NRXN1: variants seen among roughly 807,000 people sequenced by gnomAD.
NRXN1 encodes neurexin 1.
NRXN1 carries 39 observed loss-of-function variants against 150.9 expected under a neutral mutation model. That is an observed-to-expected ratio of 0.26 (90% confidence interval 0.20 to 0.34). The LOEUF is 0.34. Ranked by LOEUF, NRXN1 falls within the 10% of genes least tolerant of loss-of-function variation. The probability of loss-of-function intolerance (pLI) is 1.00; values close to 1 mark genes in which losing one functional copy is unlikely to be tolerated. For missense variants in NRXN1, 1,815 were observed against 1,949.9 expected, an observed-to-expected ratio of 0.93 and a Z score of 1.30; for synonymous variants, 924 against 757.0, an observed-to-expected ratio of 1.22 and a Z score of -3.62.
At chr2:50,165,967 A>T (rs2059656278) in intron 18 of NRXN1, among the ~76,000 whole-genome samples, 1 of 152,092 alleles carries the variant, frequency 6.6e-6, no homozygotes, top group Non-Finnish European at 1.5e-5. Flanking sequence ...ATTTGCAATG[A>T]CCCTTATCTT....
chr2:51,030,555 C>CAT (rs1671347797), intron 1 of NRXN1, among the ~76,000 whole-genome samples: 1 of 151,716 alleles, frequency 6.6e-6, no homozygotes, highest in African/African-American at 2.4e-5. Context: ...CACACACACA[C>CAT]ACACACACAC....
intron 19 of NRXN1, among the ~76,000 whole-genome samples, chr2:50,086,874 T>A (rs1698863062): frequency 1.3e-5 from 2 of 151,306 alleles, no homozygotes; most frequent in Non-Finnish European, 2.9e-5. Context: ...CGGGCATGTC[T>A]CTCCTTCTAT....
chr2:50,928,189 GGTCT>G (rs1346086875), intron 2 of NRXN1, among the ~76,000 whole-genome samples: 2 of 151,664 alleles, frequency 1.3e-5, no homozygotes, highest in Non-Finnish European at 2.9e-5. Flanking sequence ...CCAGAAAAGT[GGTCT>G]GTCTCAGAAA....
At chr2:50,463,302 C>T (rs1229089390) in intron 17 of NRXN1, among the ~76,000 whole-genome samples, 1 of 151,812 alleles carries the variant, frequency 6.6e-6, no homozygotes, top group Non-Finnish European at 1.5e-5. Flanking sequence ...ATATCTTCTA[C>T]CAATTATAAT....
intron 17 of NRXN1, among the ~76,000 whole-genome samples, chr2:50,267,723 T>A (rs1037358752): frequency 6.6e-6 from 1 of 152,176 alleles, no homozygotes; most frequent in African/African-American, 2.4e-5. Flanking sequence ...AAGACCCCTA[T>A]TGAGGGTAAG....
chr2:50,025,312 C>T (rs987792478), intron 21 of NRXN1, among the ~76,000 whole-genome samples: 1 of 152,096 alleles, frequency 6.6e-6, no homozygotes, highest in African/African-American at 2.4e-5. Context: ...GATTTGTAAA[C>T]AAGATTTGGG....
intron 22 of NRXN1, among the ~76,000 whole-genome samples, chr2:49,937,018 A>G (rs1671158631): frequency 6.6e-6 from 1 of 152,158 alleles, no homozygotes; most frequent in Non-Finnish European, 1.5e-5. Context: ...TGTAATTTCA[A>G]ATACTTTATC....
chr2:50,918,352 T>C (rs980391023), intron 5 of NRXN1: 2 of 269,432 alleles, frequency 7.4e-6, no homozygotes, highest in East Asian at 5.7e-5. Flanking sequence ...AAAAATGTTC[T>C]GGAAATACAA....
chr2:50,566,296 T>C (rs1278306074), intron 8 of NRXN1, among the ~76,000 whole-genome samples: 1 of 151,952 alleles, frequency 6.6e-6, no homozygotes, highest in Non-Finnish European at 1.5e-5. Context: ...CAGGCTGGAG[T>C]ACAGTGGCAT....
At chr2:50,290,139 A>T (rs2152942361) in intron 17 of NRXN1, among the ~76,000 whole-genome samples, 1 of 152,310 alleles carries the variant, frequency 6.6e-6, no homozygotes, top group African/African-American at 2.4e-5. Flanking sequence ...CTGAAAGTTC[A>T]CATTTAAAAC....
At chr2:50,524,304 C>T (rs1386568263) in intron 12 of NRXN1, among the ~76,000 whole-genome samples, 1 of 151,948 alleles carries the variant, frequency 6.6e-6, no homozygotes, top group Admixed American at 6.6e-5. Flanking sequence ...CATGGCAAAA[C>T]CCCATCTCTA....
chr2:49,997,872 C>A (rs565077459), intron 21 of NRXN1, among the ~76,000 whole-genome samples: 1 of 151,944 alleles, frequency 6.6e-6, no homozygotes, highest in Non-Finnish European at 1.5e-5. Context: ...GGAGACTTCA[C>A]ATAGGGAAAG....
At chr2:51,020,912 A>G (rs1669503066) in intron 2 of NRXN1, among the ~76,000 whole-genome samples, 1 of 152,022 alleles carries the variant, frequency 6.6e-6, no homozygotes, top group Non-Finnish European at 1.5e-5. Flanking sequence ...CATGCTCAGG[A>G]GAAAAAACAA....
At chr2:51,030,345 T>C (rs1449276723) in intron 1 of NRXN1, among the ~76,000 whole-genome samples, 1 of 151,728 alleles carries the variant, frequency 6.6e-6, no homozygotes, top group East Asian at 1.9e-4. Flanking sequence ...ACACTTTTTT[T>C]CCCTTACAAG....
At chr2:50,260,931 G>A (rs915626792) in intron 17 of NRXN1, among the ~76,000 whole-genome samples, 3 of 151,520 alleles carry the variant, frequency 2.0e-5, no homozygotes, top group South Asian at 4.2e-4. Flanking sequence ...AGGTTAAATT[G>A]GGGGCTGAAG....
At chr2:50,259,401 G>A (rs750589785) in intron 17 of NRXN1, among the ~76,000 whole-genome samples, 17 of 151,848 alleles carry the variant, frequency 1.1e-4, no homozygotes, top group Non-Finnish European at 2.2e-4. Flanking sequence ...TGATGCTTAA[G>A]TAATATAAGG....
At chr2:50,954,419 A>G (rs1350402130) in intron 2 of NRXN1, among the ~76,000 whole-genome samples, 1 of 152,166 alleles carries the variant, frequency 6.6e-6, no homozygotes, top group Non-Finnish European at 1.5e-5. Flanking sequence ...AGTATACTTC[A>G]CTGATGTAAA....
chr2:50,892,378 T>C (rs901444626), intron 5 of NRXN1, among the ~76,000 whole-genome samples: 1 of 152,146 alleles, frequency 6.6e-6, no homozygotes. Context: ...GAGAGATCAA[T>C]ATCTCCTAAG....
At chr2:50,475,791 T>C (rs2089939329) in intron 15 of NRXN1, among the ~76,000 whole-genome samples, 1 of 151,768 alleles carries the variant, frequency 6.6e-6, no homozygotes, top group South Asian at 2.1e-4. Context: ...ACAAAGAAAC[T>C]CCTTTAGTGG....
Sources: allele counts gnomAD v4.1 joint callset (sites outside exome capture counted in the v4.1 genomes callset), GRCh38; gene constraint gnomAD v4.1.1; transcripts MANE v1.5; gene names NCBI Gene and HGNC (gene_info 2026-07-23, HGNC 2026-07-21).